DHX37: variants seen among roughly 807,000 people sequenced by gnomAD.
The protein encoded by DHX37 is DEAH-box helicase 37.
Under a neutral mutation model 134.3 loss-of-function variants are expected in DHX37, and 52 were observed. The observed-to-expected ratio is 0.39, with a 90% confidence interval of 0.31 to 0.49. The LOEUF (loss-of-function observed/expected upper bound fraction) is 0.49, where lower values mean the gene tolerates loss of function less well. Ranked by LOEUF, DHX37 falls within the 20% of genes least tolerant of loss-of-function variation. The pLI is 0.93. For missense variants in DHX37, 1,344 were observed against 1,580.8 expected (o/e 0.85, Z 2.54); for synonymous variants, 634 against 670.7 (o/e 0.95, Z 0.85).
At chr12:124,964,853 C>T (rs1321326145) in intron 14 of DHX37, 77 bp downstream of exon 14, 3 of 1,487,262 alleles carry the variant, frequency 2.0e-6, no homozygotes, top group South Asian at 2.5e-5. Flanking sequence ...TGGAGAGGAC[C>T]ACCAAGGGCT....
intron 6 of DHX37, among the ~76,000 whole-genome samples, chr12:124,973,351 C>A (rs533985419): frequency 6.6e-6 from 1 of 151,942 alleles, no homozygotes; most frequent in South Asian, 2.1e-4. Context: ...TTGCAGTGAG[C>A]CAAGATCGCA....
rs1227094913 is a variant in DHX37 at position 124,952,406 on chromosome 12, C to T, written c.2860G>A (p.Ala954Thr). ...GGCGGTGGGGGCCGCACCTTGTAGGCGTTCCTCCACTTGTCCTCCAGCATC... is the reference window on the plus strand; with the variant it reads ...GGCGGTGGGGGCCGCACCTTGTAGGTGTTCCTCCACTTGTCCTCCAGCATC... ...EEMLEDKWRN[A>T]YKTPLLDDPV... is the part of the protein sequence containing the mutation. The change falls in exon 21 of 27, where the codon GCC becomes ACC. Residue 954 changes from alanine (A) to threonine (T), a missense_variant. Around this residue, in one of 7 missense-constraint regions of DHX37, gnomAD observed 558 missense variants for 650.0 expected, o/e 0.86. Coordinates refer to ENST00000308736, the MANE Select transcript of DHX37 (RefSeq NM_032656.4). 2.5e-6 allele frequency: 4 copies of T among 1,608,328 alleles called. No homozygotes were observed. Among genetic ancestry groups the T allele is most frequent in the African/African-American group, 1.3e-5 (1 of 74,848 alleles).
chr12:124,968,231 C>T (rs7489105), intron 10 of DHX37, among the ~76,000 whole-genome samples: 104,063 of 152,020 alleles, frequency 0.68, 36,083 homozygotes, highest in East Asian at 0.85. Flanking sequence ...GGGATGTGCC[C>T]GTTCCCCTAC....
intron 18 of DHX37, among the ~76,000 whole-genome samples, chr12:124,956,384 G>A (rs896120487): frequency 6.6e-6 from 1 of 152,152 alleles, no homozygotes; most frequent in African/African-American, 2.4e-5. Context: ...TTAAATAATT[G>A]TTCATTCTAA....
intron 15 of DHX37, among the ~76,000 whole-genome samples, chr12:124,962,249 GTTGGTGCT>G (rs1954280817): frequency 6.6e-6 from 1 of 152,156 alleles, no homozygotes; most frequent in Non-Finnish European, 1.5e-5. Context: ...AAAAATAAGT[GTTGGTGCT>G]GGCCAGGCGT....
intron 3 of DHX37, 144 bp downstream of exon 3, chr12:124,982,367 G>T: frequency 8.9e-7 from 1 of 1,125,504 alleles, no homozygotes; most frequent in Non-Finnish European, 1.2e-6. Flanking sequence ...GAGGCATTTA[G>T]GATGACAATG....
chr12:124,949,506 G>A lies in DHX37; in HGVS notation c.3290+480C>T, dbSNP rs1953932187. Among the ~76,000 whole-genome samples, 2 of 152,190 alleles carry A rather than the reference G, an allele frequency of 1.3e-5. No homozygotes were observed. Among genetic ancestry groups the A allele is most frequent in the South Asian group, 2.1e-4 (1 of 4,834 alleles). ...GGAAGTCCCCAGGGCCAGGAGGGCA[G>A]GATGCCTCCCACTGACACCTGGCGG... is the stretch of plus-strand genomic sequence containing the variant. On this transcript the variant is annotated intron_variant, in intron 25 of 26. Transcript: ENST00000308736. The surrounding 1 kb of genome is among the most constrained non-coding windows in gnomAD (Gnocchi z 4.0).
rs1307568988 is a variant in DHX37, at chr12:124,950,467, G to C, written c.3067C>G (p.Pro1023Ala). Residue 1023 changes from proline to alanine, a missense_variant, in exon 23 of 27, where the codon CCT becomes GCT. Physicochemically the swap from Pro to Ala is conservative, Grantham distance 27 (BLOSUM62 -1). This residue lies in a region of DHX37 where 558 missense variants were observed against 650.0 expected (regional missense o/e 0.86). Transcript: ENST00000308736. ...CGCCCCCGCTCGGGGCAGTATGTAG[G>C]GGCTGGTTCCTCCAGGGGCTTGTCA... ...QFDKPLEEPA[P>A]TYCPERGRVL... 1 of 1,585,642 alleles carries C rather than the reference G, an allele frequency of 6.3e-7. No individual in the cohort carries two copies.
At chr12:124,981,116 T>C (rs7306589) in intron 3 of DHX37, among the ~76,000 whole-genome samples, 63,780 of 151,952 alleles carry the variant, frequency 0.42, 14,296 homozygotes, top group African/African-American at 0.58. Flanking sequence ...CTTCCCAGCG[T>C]GGGACACAGA....
intron 15 of DHX37, among the ~76,000 whole-genome samples, chr12:124,963,425 AT>A (rs1023133964): frequency 3.9e-5 from 6 of 152,122 alleles, no homozygotes; most frequent in Non-Finnish European, 8.8e-5. Context: ...TCTGACATTG[AT>A]TGTGGTGATG....
intron 16 of DHX37, among the ~76,000 whole-genome samples, chr12:124,957,600 A>G (rs546242428): frequency 1.3e-5 from 2 of 152,206 alleles, no homozygotes; most frequent in African/African-American, 4.8e-5. Flanking sequence ...AGCCTGACCA[A>G]TATGGTGAAA....
chr12:124,981,725 G>A (rs1954764472), intron 3 of DHX37, among the ~76,000 whole-genome samples: 1 of 151,754 alleles, frequency 6.6e-6, no homozygotes, highest in Admixed American at 6.6e-5. Flanking sequence ...ATGAGCCACG[G>A]CACCCTTCTG....
intron 2 of DHX37, 151 bp from the exon 3 acceptor site, chr12:124,982,774 T>A: frequency 8.9e-7 from 1 of 1,129,160 alleles, no homozygotes; most frequent in Non-Finnish European, 1.2e-6. Flanking sequence ...ATGGTGTTCT[T>A]CCATCAACAG....
At chr12:124,955,019 C>T (rs1329845285) in intron 18 of DHX37, among the ~76,000 whole-genome samples, 1 of 152,234 alleles carries the variant, frequency 6.6e-6, no homozygotes, top group Admixed American at 6.5e-5. Context: ...TCAGTCACCA[C>T]GCTACAGAGC....
chr12:124,950,703 C>T lies in DHX37; in HGVS notation c.2970G>A (p.Lys990=). 6.2e-7 allele frequency: 1 copy of T among 1,612,480 alleles called. No homozygotes were observed. Among genetic ancestry groups the T allele is most frequent in the East Asian group, 2.2e-5 (1 of 44,858 alleles). Residue 990 remains lysine (K), a synonymous_variant, in exon 22 of 27, where the codon AAG becomes AAA. Coordinates refer to ENST00000308736, the MANE Select transcript of DHX37 (RefSeq NM_032656.4). ...AGGCCTCGGCACCTTTCATGTACAT[C>T]TTAGTGGTCTCCACGATTTCCTGGT... ...VVYQEIVETT[K]MYMKGVSSVE...
At chr12:124,956,537 A>G (rs1029623268) in intron 18 of DHX37, among the ~76,000 whole-genome samples, 154 bp downstream of exon 18, 1 of 152,194 alleles carries the variant, frequency 6.6e-6, no homozygotes, top group Non-Finnish European at 1.5e-5. Flanking sequence ...TGCCCAGGCT[A>G]GAGTGCAGTT....
At chr12:124,956,943 C>T in intron 17 of DHX37, 64 bp from the exon 18 acceptor site, 1 of 1,538,354 alleles carries the variant, frequency 6.5e-7, no homozygotes, top group East Asian at 2.3e-5. Context: ...CTGGGAGGCC[C>T]CACGCTTGAG....
At chr12:124,961,894 T>C (rs1430728248) in intron 15 of DHX37, among the ~76,000 whole-genome samples, 3 of 152,144 alleles carry the variant, frequency 2.0e-5, no homozygotes, top group Non-Finnish European at 4.4e-5. Context: ...CACAATATGA[T>C]ACCACTTCAC....
In DHX37 at chr12:124,983,343, C is replaced by T. The variant is rs1010963162; in HGVS notation, c.277-720G>A. Reference sequence around the variant, plus strand: ...CGATCTCCTGACCTCATGATCTGCCCGCCTCGGCCTCCCAAAGTTCTGGGA... The same window carrying T: ...CGATCTCCTGACCTCATGATCTGCCTGCCTCGGCCTCCCAAAGTTCTGGGA... On this transcript the variant is annotated intron_variant, in intron 2 of 26. Coordinates refer to ENST00000308736, the MANE Select transcript of DHX37 (RefSeq NM_032656.4). 2.5e-4 allele frequency among the ~76,000 whole-genome samples: 38 copies of T among 151,754 alleles called. 1 individual carries two copies. Among genetic ancestry groups the T allele is most frequent in the Middle Eastern group, 3.4e-3 (1 of 294 alleles).
Sources: gnomAD v4.1 joint callset for allele counts (sites outside exome capture counted in the v4.1 genomes callset) on GRCh38, gnomAD v4.1.1 for gene constraint, gnomAD v4.1.1 regional missense constraint, Gnocchi (gnomAD v3.1) non-coding constraint, MANE v1.5 for transcripts, NCBI Gene and HGNC (gene_info 2026-07-23, HGNC 2026-07-21) for gene names.